Variants in OTUD7B observed in about 807,000 individuals in gnomAD.
OTUD7B encodes OTU domain-containing protein 7B.
In OTUD7B, 34 loss-of-function variants were observed where a neutral mutation model predicts 82.2. The ratio of observed to expected loss-of-function variants is 0.41; its 90% CI spans 0.31 to 0.55. The LOEUF (loss-of-function observed/expected upper bound fraction) is 0.55. Among genes scored for constraint, OTUD7B ranks in the 20% least tolerant of loss-of-function variants. The pLI is 0.20. For synonymous variants in OTUD7B, 398 were observed against 402.7 expected, an observed-to-expected ratio of 0.99 and a Z score of 0.14; for missense variants, 944 against 1,062.1, an observed-to-expected ratio of 0.89 and a Z score of 1.55.
the OTUD7B span, among the ~76,000 whole-genome samples, chr1:150,041,590 T>C: frequency 3.3e-5 from 5 of 152,186 alleles, no homozygotes; most frequent in African/African-American, 1.2e-4. Context: ...CACCTCGGCC[T>C]CCCAAAGTGC....
the OTUD7B span, among the ~76,000 whole-genome samples, chr1:150,062,661 T>G: frequency 6.6e-6 from 1 of 151,610 alleles, no homozygotes; most frequent in East Asian, 1.9e-4. Context: ...GATTAAAAAG[T>G]GAAGGGGGAA....
chr1:150,015,349 A>G (rs1056711343), upstream of OTUD7B, among the ~76,000 whole-genome samples: 2 of 139,736 alleles, frequency 1.4e-5, no homozygotes, highest in Non-Finnish European at 3.0e-5. Flanking sequence ...GCTGGAGTGC[A>G]GTGGTGCAAT....
chr1:149,949,961 C>T, intron 8 of OTUD7B, 133 bp downstream of exon 8: 3 of 1,349,498 alleles, frequency 2.2e-6, no homozygotes, highest in South Asian at 2.8e-5. Flanking sequence ...GAATTTTGCA[C>T]TATTCTAATT....
At chr1:150,011,875 C>T (rs587745967), upstream of OTUD7B, among the ~76,000 whole-genome samples, 15 of 152,254 alleles carry the variant, frequency 9.9e-5, no homozygotes, top group African/African-American at 3.1e-4. Context: ...AAAGGGGAGG[C>T]GTGGGGCATA....
intron 7 of OTUD7B, among the ~76,000 whole-genome samples, chr1:149,958,836 C>G (rs986699852): frequency 2.6e-5 from 4 of 151,924 alleles, no homozygotes; most frequent in Non-Finnish European, 4.4e-5. Context: ...CCTCGACCTC[C>G]CCAGCTCAGG....
At chr1:150,021,175 A>G in the OTUD7B span, among the ~76,000 whole-genome samples, 2 of 152,056 alleles carry the variant, frequency 1.3e-5, no homozygotes, top group Admixed American at 1.3e-4. Context: ...AATGAGTCAG[A>G]TTTTTCCCCC....
At chr1:149,996,220 A>G (rs16832993) in intron 1 of OTUD7B, among the ~76,000 whole-genome samples, 2,899 of 152,338 alleles carry the variant, frequency 0.019, 79 homozygotes, top group African/African-American at 0.063. Flanking sequence ...TCAAATGCCA[A>G]AGCAGGTCAC....
intron 1 of OTUD7B, among the ~76,000 whole-genome samples, chr1:149,992,064 C>G (rs1651603565): frequency 6.6e-6 from 1 of 152,038 alleles, no homozygotes; most frequent in Non-Finnish European, 1.5e-5. Context: ...CCCATCTCTA[C>G]TAAAAATACA....
At chr1:150,035,954 A>C in the OTUD7B span, among the ~76,000 whole-genome samples, 1 of 109,834 alleles carries the variant, frequency 9.1e-6, no homozygotes, top group Non-Finnish European at 1.7e-5. Context: ...CACCATTGTA[A>C]CTGTTTTTTT....
At chr1:149,949,136 C>T (rs1486155437) in intron 9 of OTUD7B, 53 bp from the exon 10 acceptor site, 1 of 1,090,644 alleles carries the variant, frequency 9.2e-7, no homozygotes, top group Non-Finnish European at 1.4e-6. Flanking sequence ...AGAAAGGTAA[C>T]TGAACACAGA....
chr1:149,974,551 C>CCTTTT (rs1559848221), intron 2 of OTUD7B, among the ~76,000 whole-genome samples: 58 of 32,830 alleles, frequency 1.8e-3, no homozygotes, highest in African/African-American at 4.1e-3. Context: ...TCTTAGTTAA[C>CCTTTT]TTTTTTTTTT....
At chr1:150,024,462 A>G in the OTUD7B span, among the ~76,000 whole-genome samples, 1 of 152,234 alleles carries the variant, frequency 6.6e-6, no homozygotes, top group African/African-American at 2.4e-5. Flanking sequence ...AGATGGCTTG[A>G]TGAAGAATGT....
Position 149,944,967 on chromosome 1 carries a change from G to T in OTUD7B, c.1422C>A (p.Ser474Arg). Residue 474 changes from serine (S) to arginine (R), a missense_variant, in exon 12 of 12, where the codon AGC (serine) becomes AGA (arginine). Ser to Arg is a moderately radical substitution (Grantham distance 110). Transcript: ENST00000581312. Reference protein sequence around the residue: ...SGDSDKESVGSSSTSNEGGRR... With the variant: ...SGDSDKESVGRSSTSNEGGRR... ...GGCCGCCCTCGTTGCTGGTGGAACT[G>T]CTGCCAACTGACTCCTTGTCTGAGT... is the stretch of plus-strand genomic sequence containing the variant. 1 of 1,614,178 alleles carries T rather than the reference G, an allele frequency of 6.2e-7. No individual in the cohort carries two copies. Among genetic ancestry groups the T allele is most frequent in the Non-Finnish European group, 8.5e-7 (1 of 1,180,044 alleles).
In OTUD7B at chr1:149,971,053, A is replaced by C. The variant is rs1571655858; in HGVS notation, c.274+10T>G. 6.5e-7 allele frequency: 1 copy of C among 1,531,780 alleles called. No homozygotes were observed. The highest frequency in any genetic ancestry group is 8.9e-7 in the Non-Finnish European group (1 of 1,129,376). The allele number at this position is 1,531,780 out of a possible 1,614,324, so 94.9% of individuals were successfully genotyped here. On this transcript the variant is annotated intron_variant, in intron 3 of 11. Transcript: ENST00000581312. ...CTCCATATACGGAAACATTCCAGTC[A>C]CCCCAGTACCTTGAACGATGTCATC...
At chr1:149,989,769 CG>C (rs1343601117) in intron 1 of OTUD7B, among the ~76,000 whole-genome samples, 1 of 50,116 alleles carries the variant, frequency 2.0e-5, no homozygotes, top group Non-Finnish European at 3.9e-5. Context: ...AGGTGGGGGG[CG>C]GGGGGAGGGA....
chr1:150,035,956 T>TG, the OTUD7B span, among the ~76,000 whole-genome samples: 3 of 61,336 alleles, frequency 4.9e-5, no homozygotes, highest in Non-Finnish European at 9.2e-5. Flanking sequence ...CCATTGTAAC[T>TG]GTTTTTTTTT....
intron 1 of OTUD7B, among the ~76,000 whole-genome samples, chr1:149,996,355 T>G (rs1046312277): frequency 7.0e-5 from 10 of 143,876 alleles, no homozygotes; most frequent in African/African-American, 2.6e-4. Flanking sequence ...TTTCTTGGAT[T>G]CATCAAGACC....
At position 149,972,025 on chromosome 1, in the gene OTUD7B, A is replaced by G. The variant is rs1388069145; in HGVS notation, c.86-774T>C. On this transcript the variant is annotated intron_variant, in intron 2 of 11. Coordinates refer to ENST00000581312, the MANE Select transcript of OTUD7B (RefSeq NM_020205.4). ...ATCTTTCTAAAGCACAGTTGTGATC[A>G]TTTTAGTTCCATAATCGAGATTTTT... Among the ~76,000 whole-genome samples, 4 of 152,190 alleles carry G rather than the reference A, an allele frequency of 2.6e-5. No individual in the cohort carries two copies. The East Asian group carries it at 7.7e-4, about 29-fold the overall frequency.
Position 149,978,842 on chromosome 1 carries a change from G to C in OTUD7B, c.-66-1266C>G, listed in dbSNP as rs587757158. Among the ~76,000 whole-genome samples the C allele has an allele frequency of 9.2e-5, 14 of 152,250 alleles. No individual in the cohort carries two copies. In the East Asian group the frequency reaches 2.7e-3, roughly 29 times the overall value. On this transcript the variant is annotated intron_variant, in intron 1 of 11. Transcript: ENST00000581312. ...TCTGCCAAGTTTACAGCTTTCTATA[G>C]AAGACTCATTCATTAAGTTGCCAGG...
Sources: gnomAD v4.1 joint callset for allele counts (sites outside exome capture counted in the v4.1 genomes callset) on GRCh38, gnomAD v4.1.1 for gene constraint, MANE v1.5 for transcripts, NCBI Gene and HGNC (gene_info 2026-07-23, HGNC 2026-07-21) for gene names.